The following LRRC7 variants were observed in gnomAD, a reference collection of about 807,000 sequenced individuals.
LRRC7 encodes leucine rich repeat containing 7.
In LRRC7, 23 loss-of-function variants were observed where a neutral mutation model predicts 175.7. The ratio of observed to expected loss-of-function variants is 0.13; its 90% CI spans 0.09 to 0.19. The LOEUF (loss-of-function observed/expected upper bound fraction) is 0.19, where lower values mean the gene tolerates loss of function less well. Among genes scored for constraint, LRRC7 ranks in the 10% least tolerant of loss-of-function variants. The pLI is 1.00. For missense variants in LRRC7, 1,354 were observed against 1,904.7 expected, an observed-to-expected ratio of 0.71 and a Z score of 5.38; for synonymous variants, 685 against 680.9, an observed-to-expected ratio of 1.01 and a Z score of -0.09.
intron 23 of LRRC7, among the ~76,000 whole-genome samples, chr1:70,073,296 T>A: frequency 6.6e-6 from 1 of 152,042 alleles, no homozygotes; most frequent in African/African-American, 2.4e-5. Context: ...GAGTTCAAAA[T>A]CAGCATAATC....
At chr1:69,582,527 C>A (rs77672150) in intron 1 of LRRC7, among the ~76,000 whole-genome samples, 9,533 of 152,250 alleles carry the variant, frequency 0.063, 351 homozygotes, top group Middle Eastern at 0.11. Flanking sequence ...ATTTTAGGTC[C>A]ATTTGCAGTC....
chr1:70,104,847 G>C (rs1665036296), intron 25 of LRRC7, among the ~76,000 whole-genome samples: 1 of 152,128 alleles, frequency 6.6e-6, no homozygotes, highest in Non-Finnish European at 1.5e-5. Flanking sequence ...CCTTAATTCA[G>C]CTTCTATGAT....
At chr1:69,659,149 G>A (rs1306255986) in intron 1 of LRRC7, among the ~76,000 whole-genome samples, 2 of 151,940 alleles carry the variant, frequency 1.3e-5, no homozygotes, top group Non-Finnish European at 2.9e-5. Context: ...ATGTCCTGCT[G>A]GTACTTTTCA....
At chr1:70,065,785 T>C (rs1661929783) in intron 23 of LRRC7, among the ~76,000 whole-genome samples, 1 of 151,988 alleles carries the variant, frequency 6.6e-6, no homozygotes, top group African/African-American at 2.4e-5. Context: ...TAGTCCGTTA[T>C]TGTATATTCT....
At position 70,138,769 on chromosome 1, in the gene LRRC7, C is replaced by T. The variant is rs1002978876; in HGVS notation, c.*16882C>T. ...TTCTGTGTGGAGGAGCTCGTTTGTC[C>T]AAGGTATGATCTACCAGTGAGAAGA... On this transcript the variant is annotated 3_prime_UTR_variant, in exon 27 of 27. Transcript: ENST00000651989. 1.3e-5 allele frequency: 2 copies of T among 152,110 alleles called. No homozygotes were observed. The highest frequency in any genetic ancestry group is 4.8e-5 in the African/African-American group (2 of 41,408). 9.4% of individuals were successfully genotyped at this position (152,110 alleles called of 1,614,324 possible). A position where few individuals can be genotyped will look rare whatever the true frequency, so the allele number is the denominator to read the frequency against.
intron 23 of LRRC7, among the ~76,000 whole-genome samples, chr1:70,064,911 C>A (rs1361537633): frequency 2.6e-5 from 4 of 151,902 alleles, no homozygotes; most frequent in Non-Finnish European, 5.9e-5. Flanking sequence ...TTTAAAAGTT[C>A]TCTTAAGCAC....
At chr1:69,781,378 G>A (rs1038061610) in intron 3 of LRRC7, among the ~76,000 whole-genome samples, 3 of 151,786 alleles carry the variant, frequency 2.0e-5, no homozygotes, top group African/African-American at 4.8e-5. Context: ...GCGATAGTGC[G>A]CTAGTATAGA....
intron 2 of LRRC7, among the ~76,000 whole-genome samples, chr1:69,703,170 C>T (rs1333619704): frequency 6.6e-6 from 1 of 152,018 alleles, no homozygotes; most frequent in Non-Finnish European, 1.5e-5. Flanking sequence ...ACAATGAAAA[C>T]ACATTTCACT....
intron 7 of LRRC7, among the ~76,000 whole-genome samples, chr1:69,894,502 AAC>A: frequency 6.6e-6 from 1 of 152,302 alleles, no homozygotes; most frequent in South Asian, 2.1e-4. Flanking sequence ...TGTTTTTGAA[AAC>A]AGTTTTATTG....
intron 3 of LRRC7, among the ~76,000 whole-genome samples, chr1:69,766,651 GACGCAGAT>G (rs1290715785): frequency 1.3e-5 from 2 of 152,160 alleles, no homozygotes; most frequent in Non-Finnish European, 2.9e-5. Flanking sequence ...ACCTCAGCAT[GACGCAGAT>G]CAGTTGATCC....
chr1:69,575,321 A>T (rs1645903154), intron 1 of LRRC7, among the ~76,000 whole-genome samples: 1 of 152,228 alleles, frequency 6.6e-6, no homozygotes, highest in South Asian at 2.1e-4. Context: ...TTAATTCAAT[A>T]GATCCAATTA....
chr1:70,031,790 C>CT (rs374163199), intron 18 of LRRC7, among the ~76,000 whole-genome samples: 159 of 141,078 alleles, frequency 1.1e-3, no homozygotes, highest in Middle Eastern at 3.7e-3. Flanking sequence ...CAAGGATTTT[C>CT]TTTTTTTTTT....
In LRRC7 at chr1:70,123,601, A is replaced by G. The variant is rs77554111; in HGVS notation, c.*1714A>G. ...CTTTATGTCAGGGTGACATTATACCATGATTTTATAGGGTTTGACAATTAG... is the reference window on the plus strand; with the variant it reads ...CTTTATGTCAGGGTGACATTATACCGTGATTTTATAGGGTTTGACAATTAG... On this transcript the variant is annotated 3_prime_UTR_variant, in exon 27 of 27. Transcript: ENST00000651989. The G allele has an allele frequency of 1.9e-4, 29 of 152,296 alleles. No homozygotes were observed. Among genetic ancestry groups the G allele is most frequent in the African/African-American group, 5.3e-4 (22 of 41,572 alleles). The allele number at this position is 152,296 out of a possible 1,614,324, so 9.4% of individuals were successfully genotyped here.
At chr1:69,950,600 T>C (rs1649814915) in intron 8 of LRRC7, among the ~76,000 whole-genome samples, 1 of 152,150 alleles carries the variant, frequency 6.6e-6, no homozygotes, top group South Asian at 2.1e-4. Context: ...TGCTCTGACA[T>C]GAAAGATGAG....
At chr1:69,985,175 C>T (rs1287809360) in intron 9 of LRRC7, among the ~76,000 whole-genome samples, 1 of 152,140 alleles carries the variant, frequency 6.6e-6, no homozygotes, top group Non-Finnish European at 1.5e-5. Flanking sequence ...ACTGAGAACT[C>T]CTTACTGATA....
intron 5 of LRRC7, among the ~76,000 whole-genome samples, chr1:69,826,422 C>A (rs561228403): frequency 6.6e-6 from 1 of 152,156 alleles, no homozygotes; most frequent in African/African-American, 2.4e-5. Context: ...TGATACCCAG[C>A]AAGTGACCAT....
chr1:69,800,880 T>C (rs1009351305), intron 4 of LRRC7, among the ~76,000 whole-genome samples: 1 of 151,916 alleles, frequency 6.6e-6, no homozygotes, highest in Non-Finnish European at 1.5e-5. Context: ...TTGTAGTATA[T>C]GATCTTTATT....
At chr1:70,041,126 G>T (rs1430292088) in intron 21 of LRRC7, among the ~76,000 whole-genome samples, 1 of 152,122 alleles carries the variant, frequency 6.6e-6, no homozygotes, top group Non-Finnish European at 1.5e-5. Flanking sequence ...GGGGATCTGG[G>T]TAATAATATA....
At chr1:70,021,220 G>A (rs1024728089) in intron 16 of LRRC7, 91 bp downstream of exon 16, 1 of 1,281,834 alleles carries the variant, frequency 7.8e-7, no homozygotes, top group Non-Finnish European at 1.1e-6. Flanking sequence ...GACAAAGTCA[G>A]ATACTTCTTC....
Sources: gnomAD v4.1 joint callset for allele counts (sites outside exome capture counted in the v4.1 genomes callset) on GRCh38, gnomAD v4.1.1 for gene constraint, MANE v1.5 for transcripts, NCBI Gene and HGNC (gene_info 2026-07-23, HGNC 2026-07-21) for gene names.